The following RORB variants were observed in gnomAD, a reference collection of about 807,000 sequenced individuals.
RORB encodes the protein RAR related orphan receptor B, also known as nuclear receptor ROR-beta.
Under a neutral mutation model 59.1 loss-of-function variants are expected in RORB, and 6 were observed. The ratio of observed to expected loss-of-function variants is 0.10; its 90% confidence interval spans 0.06 to 0.20. The LOEUF (loss-of-function observed/expected upper bound fraction) is 0.20. Ranked by LOEUF, RORB falls within the 10% of genes least tolerant of loss-of-function variation. RORB has a pLI of 1.00. For synonymous variants in RORB, 215 were observed against 204.5 expected, an observed-to-expected ratio of 1.05 and a Z score of -0.44; for missense variants, 320 against 560.5, an observed-to-expected ratio of 0.57 and a Z score of 4.33.
intron 1 of RORB, among the ~76,000 whole-genome samples, chr9:74,533,614 T>A (rs1410875178): frequency 6.6e-6 from 1 of 152,016 alleles, no homozygotes; most frequent in Non-Finnish European, 1.5e-5. Flanking sequence ...TAGTTTAATC[T>A]GGTTGGGCCT....
At chr9:74,634,925 A>G (rs1042497024) in intron 3 of RORB, among the ~76,000 whole-genome samples, 153 bp downstream of exon 3, 1 of 152,216 alleles carries the variant, frequency 6.6e-6, no homozygotes, top group Non-Finnish European at 1.5e-5. Context: ...AAGGAAAAGT[A>G]AGAATATACA....
intron 9 of RORB, among the ~76,000 whole-genome samples, chr9:74,672,494 G>T (rs189678301): frequency 3.2e-3 from 480 of 152,266 alleles, no homozygotes; most frequent in African/African-American, 0.011. Context: ...ATCTCTTCGT[G>T]CAAGACTTGC....
rs145378882 is a variant in RORB at position 74,512,729 on chromosome 9, C to T, written c.7+14746C>T. On this transcript the variant is annotated intron_variant, in intron 1 of 9. Coordinates refer to ENST00000376896, the MANE Select transcript of RORB (RefSeq NM_006914.4). The stretch of plus-strand genomic sequence containing the variant: ...GCCCTAGGACTATATGAAGGTTTTC[C>T]GAATAGAATCACTTTAGGATCCTCA... Among the ~76,000 whole-genome samples, 1,328 of 152,180 alleles carry T rather than the reference C, an allele frequency of 8.7e-3. 10 individuals carry two copies. The highest frequency in any genetic ancestry group is 0.014 in the Non-Finnish European group (930 of 67,982).
intron 1 of RORB, among the ~76,000 whole-genome samples, chr9:74,544,460 C>T (rs1826458685): frequency 2.0e-5 from 3 of 152,282 alleles, no homozygotes; most frequent in Non-Finnish European, 2.9e-5. Flanking sequence ...TACAGTGGGG[C>T]TAAGTTAATA....
chr9:74,633,345 G>A (rs910311067), intron 2 of RORB, among the ~76,000 whole-genome samples: 8 of 152,166 alleles, frequency 5.3e-5, no homozygotes, highest in Non-Finnish European at 8.8e-5. Context: ...AAACACAGAA[G>A]CTGTTTGAGG....
At chr9:74,498,412 G>A (rs74480621) in intron 1 of RORB, 2,229 of 179,112 alleles carry the variant, frequency 0.012, 54 homozygotes, top group African/African-American at 0.048. Context: ...CCGGCCGGGG[G>A]CAGGGTGGAC....
At chr9:74,635,651 T>C (rs1170357956) in intron 3 of RORB, among the ~76,000 whole-genome samples, 3 of 152,126 alleles carry the variant, frequency 2.0e-5, no homozygotes, top group African/African-American at 7.2e-5. Flanking sequence ...CCTAAATGTT[T>C]GTTGAATAAA....
intron 1 of RORB, among the ~76,000 whole-genome samples, chr9:74,613,519 G>A (rs562254244): frequency 7.9e-5 from 12 of 152,226 alleles, no homozygotes; most frequent in Admixed American, 4.6e-4. Context: ...CCTGCTGCCC[G>A]TTAGAATTAC....
At position 74,508,241 on chromosome 9, in the gene RORB, A is replaced by G. The variant is rs1308923918; in HGVS notation, c.7+10258A>G. ...ATCCCAAGGACAACTCAGAAATATC[A>G]ATAATGAGAATCCTAGTCAGACAGC... On this transcript the variant is annotated intron_variant, in intron 1 of 9. Coordinates refer to ENST00000376896, the MANE Select transcript of RORB (RefSeq NM_006914.4). Among the ~76,000 whole-genome samples the G allele has an allele frequency of 2.0e-5, 3 of 152,024 alleles. No individual in the cohort carries two copies. In the East Asian group the frequency reaches 5.8e-4, roughly 29 times the overall value.
chr9:74,646,589 G>A (rs1174820473), intron 4 of RORB, among the ~76,000 whole-genome samples: 1 of 152,162 alleles, frequency 6.6e-6, no homozygotes, highest in East Asian at 1.9e-4. Flanking sequence ...TCCTTCAGGT[G>A]AGCAGTGAAG....
intron 1 of RORB, among the ~76,000 whole-genome samples, chr9:74,622,862 A>C (rs1295413524): frequency 1.3e-5 from 2 of 152,026 alleles, no homozygotes; most frequent in Admixed American, 1.3e-4. Context: ...TAGGAGCAAA[A>C]TGCTGCATGT....
chr9:74,509,250 T>C (rs927692633), intron 1 of RORB, among the ~76,000 whole-genome samples: 3 of 152,150 alleles, frequency 2.0e-5, no homozygotes, highest in Non-Finnish European at 4.4e-5. Flanking sequence ...CTATAGATTA[T>C]GAACTAGATC....
chr9:74,607,859 A>T (rs1252009497), intron 1 of RORB, among the ~76,000 whole-genome samples: 2 of 152,230 alleles, frequency 1.3e-5, no homozygotes, highest in Non-Finnish European at 2.9e-5. Context: ...TGTTAAGATC[A>T]GTGAAGCAAC....
intron 1 of RORB, among the ~76,000 whole-genome samples, chr9:74,525,160 G>A (rs1826139582): frequency 6.6e-6 from 1 of 151,828 alleles, no homozygotes; most frequent in Non-Finnish European, 1.5e-5. Flanking sequence ...CAAAAAGCGA[G>A]CAATACTTCA....
At chr9:74,623,766 G>A (rs1040946862) in intron 1 of RORB, among the ~76,000 whole-genome samples, 2 of 152,110 alleles carry the variant, frequency 1.3e-5, no homozygotes, top group African/African-American at 4.8e-5. Flanking sequence ...TTGAGTGGTC[G>A]AAAAGACATT....
At chr9:74,644,209 G>A (rs979925186) in intron 4 of RORB, among the ~76,000 whole-genome samples, 5 of 152,102 alleles carry the variant, frequency 3.3e-5, no homozygotes, top group African/African-American at 9.7e-5. Flanking sequence ...AACCTGAAGC[G>A]TTATTTCTCC....
chr9:74,513,727 A>T (rs1825971999), intron 1 of RORB, among the ~76,000 whole-genome samples: 1 of 152,106 alleles, frequency 6.6e-6, no homozygotes, highest in African/African-American at 2.4e-5. Context: ...AATTTCTGTA[A>T]AAGAGTTTAT....
chr9:74,537,754 C>A (rs528821825), intron 1 of RORB, among the ~76,000 whole-genome samples: 2 of 152,018 alleles, frequency 1.3e-5, no homozygotes, highest in Non-Finnish European at 2.9e-5. Flanking sequence ...CACATAGCAA[C>A]ATTTTGGTCT....
intron 3 of RORB, among the ~76,000 whole-genome samples, chr9:74,635,758 G>A (rs571776814): frequency 2.8e-4 from 42 of 152,136 alleles, no homozygotes; most frequent in African/African-American, 9.6e-4. Context: ...GCCTCTGGTC[G>A]CACTCCCTCT....
Sources: gnomAD v4.1 joint callset for allele counts (sites outside exome capture counted in the v4.1 genomes callset) on GRCh38, gnomAD v4.1.1 for gene constraint, MANE v1.5 for transcripts, NCBI Gene and HGNC (gene_info 2026-07-23, HGNC 2026-07-21) for gene names.